The following TRIM7 variants were observed in gnomAD, a reference collection of about 807,000 sequenced individuals.
TRIM7 encodes the protein E3 ubiquitin-protein ligase TRIM7.
In TRIM7, 32 loss-of-function variants were observed where a neutral mutation model predicts 37.9. The observed-to-expected ratio is 0.84, with a 90% confidence interval of 0.64 to 1.13. The LOEUF is 1.13. Ranked by LOEUF, TRIM7 falls within the 50% of genes most tolerant of loss-of-function variation. The pLI is 0.00. For synonymous variants in TRIM7, 351 were observed against 321.3 expected (o/e 1.09, Z -0.99); for missense variants, 732 against 714.0 (o/e 1.03, Z -0.29).
intron 3 of TRIM7, 38 bp downstream of exon 3, chr5:181,199,813 G>A (rs565643389): frequency 1.3e-6 from 2 of 1,583,544 alleles, no homozygotes; most frequent in East Asian, 2.3e-5. Context: ...TGATGCCTTA[G>A]GATAAATGAC....
intron 1 of TRIM7, 25 bp downstream of exon 1, chr5:181,204,564 C>T (rs1355932325): frequency 2.9e-6 from 4 of 1,356,268 alleles, no homozygotes; most frequent in Non-Finnish European, 3.8e-6. Context: ...CGGGGACCCA[C>T]GGGGTGGGTG....
At chr5:181,196,794 G>C (rs879124773) in intron 6 of TRIM7, 1 of 152,144 alleles carries the variant, frequency 6.6e-6, no homozygotes, top group East Asian at 1.9e-4. Context: ...CACTGCGGAC[G>C]GTGAGAGATG....
rs1757732424 is a variant in TRIM7 at position 181,204,909 on chromosome 5, C to T, written c.202G>A (p.Ala68Thr). Reference sequence around the variant, plus strand: ...AGTGGGAAGGGGGGCGCGCGGGTGGCGGCCCCAACAGACCCCGCGCCCGGG... The same window carrying T: ...AGTGGGAAGGGGGGCGCGCGGGTGGTGGCCCCAACAGACCCCGCGCCCGGG... ...ERPGAGSVGA[A>T]TRAPPFPLPC... is the part of the protein sequence containing the mutation. Residue 68 changes from alanine (A) to threonine (T), a missense_variant, in exon 1 of 7, where the codon GCC becomes ACC. Physicochemically the swap from Ala to Thr is moderately conservative, Grantham distance 58. Coordinates refer to ENST00000274773, the MANE Select transcript of TRIM7 (RefSeq NM_203293.3). 2.9e-6 allele frequency: 4 copies of T among 1,373,044 alleles called. No homozygotes were observed. The highest frequency in any genetic ancestry group is 1.7e-5 in the South Asian group (1 of 59,514). The allele number at this position is 1,373,044 out of a possible 1,614,324, so 85.1% of individuals were successfully genotyped here.
At position 181,204,678 on chromosome 5, in the gene TRIM7, C is replaced by T. The variant is rs1055355050; in HGVS notation, c.433G>A (p.Gly145Arg). 3 of 1,511,418 alleles carry T rather than the reference C, an allele frequency of 2.0e-6. No homozygotes were observed. The highest frequency in any genetic ancestry group is 4.2e-5 in the Admixed American group (2 of 47,948). The allele number at this position is 1,511,418 out of a possible 1,614,324, so 93.6% of individuals were successfully genotyped here. Residue 145 changes from glycine (G) to arginine (R), a missense_variant, in exon 1 of 7, where the codon GGA becomes AGA. Gly to Arg is a moderately radical substitution (Grantham distance 125, BLOSUM62 -2). Coordinates refer to ENST00000274773, the MANE Select transcript of TRIM7 (RefSeq NM_203293.3). Reference protein sequence around the residue: ...EPFKLYCQDDGRAICVVCDRA... With the variant: ...EPFKLYCQDDRRAICVVCDRA... ...TCGCACACCACGCAGATGGCGCGTC[C>T]GTCGTCCTGGCAGTAGAGCTTGAAG...
At position 181,198,987 on chromosome 5, in the gene TRIM7, G is replaced by T. The variant is rs1350931899; in HGVS notation, c.872+108C>A. 2.6e-5 allele frequency: 38 copies of T among 1,474,552 alleles called. No homozygotes were observed. The East Asian group carries it at 7.7e-4, about 30-fold the overall frequency. 91.3% of individuals were successfully genotyped at this position (1,474,552 alleles called of 1,614,324 possible). ...TCTCGGAAGGTCCCCAGGCAAGCAA[G>T]TCGGGGGATCAGGAGGTGAGAGGTC... On this transcript the variant is annotated intron_variant, in intron 4 of 6. Coordinates refer to ENST00000274773, the MANE Select transcript of TRIM7 (RefSeq NM_203293.3).
intron 6 of TRIM7, 70 bp downstream of exon 6, chr5:181,198,113 G>A: frequency 6.4e-6 from 10 of 1,571,124 alleles, no homozygotes; most frequent in Non-Finnish European, 8.7e-6. Flanking sequence ...ACCCTGAGAT[G>A]GTCACGAGCA....
intron 2 of TRIM7, 102 bp from the exon 3 acceptor site, chr5:181,200,183 T>G (rs754445437): frequency 6.2e-7 from 1 of 1,600,038 alleles, no homozygotes; most frequent in Admixed American, 1.7e-5. Flanking sequence ...TCCCTGTCAC[T>G]GCTGGAGGAT....
rs773663334 is a variant in TRIM7, at chr5:181,195,597, G to T, written c.1105C>A (p.Arg369=). 1 of 1,589,928 alleles carries T rather than the reference G, an allele frequency of 6.3e-7. No individual in the cohort carries two copies. Among genetic ancestry groups the T allele is most frequent in the East Asian group, 2.3e-5 (1 of 44,374 alleles). The change falls in exon 7 of 7, where the codon CGG becomes AGG. Residue 369 remains arginine (R), a synonymous_variant. Transcript: ENST00000274773. ...GGGTGGTTGGGCAGGTCCTGGGCCC[G>T]CTCGCCGAGGCGCACGCCCTTAAGA... The part of the protein sequence containing the change: ...LDLKGVRLGE[R]AQDLPNHPCR...
chr5:181,198,347 C>CA, intron 5 of TRIM7, 129 bp from the exon 6 acceptor site: 1 of 995,834 alleles, frequency 1.0e-6, no homozygotes, highest in South Asian at 1.4e-5. Flanking sequence ...AGTGAACGTG[C>CA]AGGCACAGGG....
chr5:181,204,417 G>T, intron 1 of TRIM7, 172 bp downstream of exon 1: 1 of 1,170,008 alleles, frequency 8.5e-7, no homozygotes, highest in East Asian at 3.2e-5. Flanking sequence ...GGGTGACAGA[G>T]AACCGCGCTC....
chr5:181,199,005 G>A, intron 4 of TRIM7, 90 bp downstream of exon 4: 1 of 1,536,668 alleles, frequency 6.5e-7, no homozygotes, highest in Non-Finnish European at 9.0e-7. Context: ...ATCAGGAGGT[G>A]AGAGGTCAGG....
chr5:181,200,540 C>A, intron 2 of TRIM7: 1 of 1,045,654 alleles, frequency 9.6e-7, no homozygotes, highest in Non-Finnish European at 1.2e-6. Flanking sequence ...TCCTGTTTAG[C>A]AGTTATAATG....
At chr5:181,204,091 A>C in intron 1 of TRIM7, 6 of 999,350 alleles carry the variant, frequency 6.0e-6, no homozygotes, top group Non-Finnish European at 6.0e-6. Context: ...GCACAGTCAG[A>C]CGGCTCTAGG....
chr5:181,200,175 CCT>C, intron 2 of TRIM7, 94 bp from the exon 3 acceptor site: 2 of 1,605,202 alleles, frequency 1.2e-6, no homozygotes, highest in Non-Finnish European at 1.7e-6. Flanking sequence ...AGGCTTCGTC[CCT>C]GTCACTGCTG....
chr5:181,203,305 C>G, intron 2 of TRIM7: 1 of 1,325,778 alleles, frequency 7.5e-7, no homozygotes, highest in South Asian at 2.2e-5. Flanking sequence ...TTCGCTGGGA[C>G]AGCTCCAGTT....
chr5:181,195,190 G>T lies in TRIM7; in HGVS notation c.1512C>A (p.Gly504=). Residue 504 remains glycine, a synonymous_variant, in exon 7 of 7, where the codon GGC becomes GGA. Transcript: ENST00000274773. ...CTCAAGGCCAGATTCGCAAGTAGGT[G>T]CCCGTGGAGCAAACAGAGAAAAGCG... ...VFPLFSVCST[G]TYLRIWP 1 of 1,607,410 alleles carries T rather than the reference G, an allele frequency of 6.2e-7. No individual in the cohort carries two copies. Among genetic ancestry groups the T allele is most frequent in the Middle Eastern group, 1.7e-4 (1 of 6,036 alleles).
rs1189088013 is a variant in TRIM7, at chr5:181,203,581, G to A, written c.582C>T (p.Phe194=). The A allele has an allele frequency of 9.9e-6, 16 of 1,613,964 alleles. No homozygotes were observed. In the African/African-American group the frequency reaches 1.5e-4, roughly 15 times the overall value. The change falls in exon 2 of 7, where the codon TTC becomes TTT. Residue 194 remains phenylalanine (F), a synonymous_variant. Coordinates refer to ENST00000274773, the MANE Select transcript of TRIM7 (RefSeq NM_203293.3). ...LKKELEDCEV[F]RSTEKKESKE... ...TGCTCTCCTTCTTTTCCGTGGACCG[G>A]AACACCTCACAGTCCTCCAGTTCCT...
At chr5:181,203,411 G>T in intron 2 of TRIM7, 134 bp downstream of exon 2, 1 of 1,513,084 alleles carries the variant, frequency 6.6e-7, no homozygotes, top group South Asian at 1.3e-5. Flanking sequence ...TATATAATAT[G>T]GACTCTATTA....
rs1411626610 is a variant in TRIM7, at chr5:181,194,484, A to G, written c.*682T>C. ...AAAGTGCGGGAGTCAGGGGTTTGTGAGAGCACGTGTTGGTTGTCGCATTGG... is the reference window on the plus strand; with the variant it reads ...AAAGTGCGGGAGTCAGGGGTTTGTGGGAGCACGTGTTGGTTGTCGCATTGG... On this transcript the variant is annotated 3_prime_UTR_variant, in exon 7 of 7. Transcript: ENST00000274773. 27 of 152,380 alleles carry G rather than the reference A, an allele frequency of 1.8e-4. No homozygotes were observed. Among genetic ancestry groups the G allele is most frequent in the Admixed American group, 1.8e-3 (27 of 15,284 alleles). 9.4% of individuals were successfully genotyped at this position (152,380 alleles called of 1,614,324 possible). A position where few individuals can be genotyped will look rare whatever the true frequency, so the allele number is the denominator to read the frequency against.
Sources: gnomAD v4.1 joint callset for allele counts on GRCh38, gnomAD v4.1.1 for gene constraint, MANE v1.5 for transcripts, NCBI Gene and HGNC (gene_info 2026-07-23, HGNC 2026-07-21) for gene names.